The following MINK1 variants were observed in gnomAD, a reference collection of about 807,000 sequenced individuals.
The protein encoded by MINK1 is misshapen-like kinase 1.
Under a neutral mutation model 178.4 loss-of-function variants are expected in MINK1, and 46 were observed. That is an observed-to-expected ratio of 0.26 (90% CI 0.20 to 0.33). The LOEUF (loss-of-function observed/expected upper bound fraction) is 0.33. MINK1 is among the 10% of genes least tolerant of loss of function. MINK1 has a pLI of 1.00. For missense variants in MINK1, 1,366 were observed against 1,814.9 expected (o/e 0.75, Z 4.49); for synonymous variants, 797 against 709.7 (o/e 1.12, Z -1.96).
Position 4,881,212 on chromosome 17 carries a change from A to C in MINK1, c.261A>C (p.Gly87=), listed in dbSNP as rs541480536. Residue 87 remains glycine, a synonymous_variant, in exon 4 of 32, where the codon GGA becomes GGC. Coordinates refer to ENST00000355280, the MANE Select transcript of MINK1 (RefSeq NM_153827.5). ...SHHRNIATYY[G]AFIKKSPPGN... ...ACCGCAACATCGCCACCTACTACGG[A>C]GCCTTCATCAAGAAGAGCCCCCCGG... 1.3e-6 allele frequency: 2 copies of C among 1,537,184 alleles called. No homozygotes were observed. The highest frequency in any genetic ancestry group is 2.7e-5 in the African/African-American group (2 of 73,136).
chr17:4,854,462 C>A (rs1567569479), intron 1 of MINK1, among the ~76,000 whole-genome samples: 2 of 152,238 alleles, frequency 1.3e-5, no homozygotes, highest in Admixed American at 6.5e-5. Context: ...TTGCTCCAGG[C>A]AGGGCCCCTC....
Position 4,894,588 on chromosome 17 carries a change from G to C in MINK1, c.2872G>C (p.Gly958Arg). The C allele has an allele frequency of 6.2e-7, 1 of 1,609,556 alleles. No individual in the cohort carries two copies. Among genetic ancestry groups the C allele is most frequent in the Non-Finnish European group, 8.5e-7 (1 of 1,177,886 alleles). ...KSSFTMFVDL[G>R]IYQPGGSGDS... Reference sequence around the variant, plus strand: ...CTCGTTCACGATGTTTGTGGATCTAGGGATCTACCAGCCTGGAGGCAGTGG... The same window carrying C: ...CTCGTTCACGATGTTTGTGGATCTACGGATCTACCAGCCTGGAGGCAGTGG... The change falls in exon 24 of 32, where the codon GGG (glycine) becomes CGG (arginine). Residue 958 changes from glycine (G) to arginine (R), a missense_variant. By Grantham distance (125) the Gly-to-Arg change is moderately radical. This residue lies in a region of MINK1 where 709 missense variants were observed against 692.3 expected (regional missense o/e 1.02). Transcript: ENST00000355280. This position sits in a 1 kb window ranked among gnomAD's most constrained non-coding sequence, Gnocchi z 4.1.
Position 4,894,773 on chromosome 17 carries a change from G to C in MINK1, c.2917+140G>C. 1.4e-6 allele frequency: 1 copy of C among 707,640 alleles called. No homozygotes were observed. The highest frequency in any genetic ancestry group is 2.4e-6 in the Non-Finnish European group (1 of 415,984). The allele number at this position is 707,640 out of a possible 1,614,324, so 43.8% of individuals were successfully genotyped here. A position where few individuals can be genotyped will look rare whatever the true frequency, so the allele number is the denominator to read the frequency against. On this transcript the variant is annotated intron_variant, in intron 24 of 31. Transcript: ENST00000355280. This position sits in a 1 kb window ranked among gnomAD's most constrained non-coding sequence, Gnocchi z 4.1. ...GGGCCCTAGCACCTGCCTGGGCACA[G>C]AGGCAAGGAAGAGCCTCTGAGACCC...
Position 4,891,133 on chromosome 17 carries a change from C to CT in MINK1, c.1740+10dup. The CT allele has an allele frequency of 1.3e-6, 2 of 1,502,882 alleles. No individual in the cohort carries two copies. Among genetic ancestry groups the CT allele is most frequent in the East Asian group, 2.5e-5 (1 of 40,682 alleles). The allele number at this position is 1,502,882 out of a possible 1,614,324, so 93.1% of individuals were successfully genotyped here. On this transcript the variant is annotated intron_variant, in intron 15 of 31. Coordinates refer to ENST00000355280, the MANE Select transcript of MINK1 (RefSeq NM_153827.5). ...AGGAGGGACCGCACAAGGTGAGTCT[C>CT]TCCCCACCCCTGTCTTAATGAAGAC...
chr17:4,863,132 T>C (rs1017924404), intron 1 of MINK1, among the ~76,000 whole-genome samples: 2 of 152,222 alleles, frequency 1.3e-5, no homozygotes, highest in Admixed American at 1.3e-4. Flanking sequence ...GGCACCTGAA[T>C]GGCAGCCCAG....
intron 31 of MINK1, 126 bp from the exon 32 acceptor site, chr17:4,897,078 T>G (rs534949258): frequency 1.1e-6 from 1 of 902,008 alleles, no homozygotes; most frequent in Admixed American, 2.3e-5. Context: ...GCACTGTGAG[T>G]CTCCTCCTGC....
At chr17:4,869,797 T>G (rs1291865112) in intron 1 of MINK1, among the ~76,000 whole-genome samples, 1 of 143,260 alleles carries the variant, frequency 7.0e-6, no homozygotes, top group Non-Finnish European at 1.5e-5. Context: ...TTTATTCATT[T>G]TTATTTTATT....
Position 4,887,498 on chromosome 17 carries a change from C to G in MINK1, c.1020-82C>G, listed in dbSNP as rs1968326148. 5 of 1,293,052 alleles carry G rather than the reference C, an allele frequency of 3.9e-6. No homozygotes were observed. The highest frequency in any genetic ancestry group is 5.2e-6 in the Non-Finnish European group (5 of 959,434). 80.1% of individuals were successfully genotyped at this position (1,293,052 alleles called of 1,614,324 possible). ...AGAGGCTTTGATCCAGTTAAAGCAC[C>G]CACTCAGGCGGGCCCACGGGGTTGA... On this transcript the variant is annotated intron_variant, in intron 11 of 31. Transcript: ENST00000355280. The surrounding 1 kb of genome is among the most constrained non-coding windows in gnomAD (Gnocchi z 7.6).
chr17:4,855,947 C>T (rs1913047167), intron 1 of MINK1, among the ~76,000 whole-genome samples: 1 of 150,766 alleles, frequency 6.6e-6, no homozygotes, highest in Non-Finnish European at 1.5e-5. Context: ...GCACTCCAGC[C>T]TGGGTGACAA....
chr17:4,848,011 C>A (rs1911298365), intron 1 of MINK1, among the ~76,000 whole-genome samples: 1 of 152,002 alleles, frequency 6.6e-6, no homozygotes, highest in Non-Finnish European at 1.5e-5. Context: ...GAGACCTCAT[C>A]TCTGTTTAAA....
chr17:4,863,836 C>T (rs1597448057), intron 1 of MINK1, among the ~76,000 whole-genome samples: 5 of 152,176 alleles, frequency 3.3e-5, no homozygotes, highest in Admixed American at 3.3e-4. Context: ...GTCACCCAGG[C>T]TGGAGTGCGG....
Position 4,885,097 on chromosome 17 carries a change from C to T in MINK1, c.508+95C>T. The T allele has an allele frequency of 8.7e-7, 1 of 1,154,464 alleles. No individual in the cohort carries two copies. Among genetic ancestry groups the T allele is most frequent in the South Asian group, 1.3e-5 (1 of 74,224 alleles). The allele number at this position is 1,154,464 out of a possible 1,614,324, so 71.5% of individuals were successfully genotyped here. On this transcript the variant is annotated intron_variant, in intron 6 of 31. Coordinates refer to ENST00000355280, the MANE Select transcript of MINK1 (RefSeq NM_153827.5). The surrounding 1 kb of genome is among the most constrained non-coding windows in gnomAD (Gnocchi z 5.0). ...TCTCTCTGGTGGCTCAGGCCCAACT[C>T]CCTTCCTACTGGGGAGGCTCACTCC...
At chr17:4,839,156 G>A (rs1909784573) in intron 1 of MINK1, among the ~76,000 whole-genome samples, 1 of 152,108 alleles carries the variant, frequency 6.6e-6, no homozygotes, top group Non-Finnish European at 1.5e-5. Context: ...TGTTAGCCAG[G>A]ATGGTCTTGA....
chr17:4,897,395 T>C lies in MINK1; in HGVS notation c.*108T>C, dbSNP rs1969662518. 1.0e-6 allele frequency: 1 copy of C among 987,256 alleles called. No individual in the cohort carries two copies. The highest frequency in any genetic ancestry group is 2.5e-4 in the Middle Eastern group (1 of 3,930). 61.2% of individuals were successfully genotyped at this position (987,256 alleles called of 1,614,324 possible). On this transcript the variant is annotated 3_prime_UTR_variant, in exon 32 of 32. Coordinates refer to ENST00000355280, the MANE Select transcript of MINK1 (RefSeq NM_153827.5). ...TCCCTGGGCTTTTGCTTTTACTGGT[T>C]TGATTTCACTGGAGCCTGCTGGGAA... is the stretch of plus-strand genomic sequence containing the variant.
chr17:4,863,216 G>C (rs1311416856), intron 1 of MINK1, among the ~76,000 whole-genome samples: 2 of 152,144 alleles, frequency 1.3e-5, no homozygotes. Context: ...AGAGTCAGTT[G>C]GTCACTCTCC....
chr17:4,894,251 C>T lies in MINK1; in HGVS notation c.2748C>T (p.Ser916=), dbSNP rs1395843751. 8 of 1,609,890 alleles carry T rather than the reference C, an allele frequency of 5.0e-6. No homozygotes were observed. Among genetic ancestry groups the T allele is most frequent in the Non-Finnish European group, 6.8e-6 (8 of 1,178,708 alleles). The part of the protein sequence containing the change: ...YTNLPDVVQP[S]HSPTENSKGQ... ...ACCTGCCTGACGTGGTCCAGCCCAG[C>T]CACTCACCCACCGAGAACAGCAAAG... The change falls in exon 23 of 32, where the codon AGC becomes AGT. Residue 916 remains serine (S), a synonymous_variant. Coordinates refer to ENST00000355280, the MANE Select transcript of MINK1 (RefSeq NM_153827.5). The surrounding 1 kb of genome is among the most constrained non-coding windows in gnomAD (Gnocchi z 4.1).
intron 1 of MINK1, among the ~76,000 whole-genome samples, chr17:4,878,090 G>A (rs113258099): frequency 7.2e-5 from 11 of 152,076 alleles, no homozygotes; most frequent in Admixed American, 6.6e-5. Context: ...GATTACAGGC[G>A]TGAGCCACCG....
At position 4,897,195 on chromosome 17, in the gene MINK1, C is replaced by T. The variant is rs753590730; in HGVS notation, c.3916-9C>T. Reference sequence around the variant, plus strand: ...AGCCCTTGGTGACTTCTTCTCCTGCCCCACCCAGGTGTTTTTTGCCTCAGT... The same window carrying T: ...AGCCCTTGGTGACTTCTTCTCCTGCTCCACCCAGGTGTTTTTTGCCTCAGT... On this transcript the variant is annotated splice_polypyrimidine_tract_variant and intron_variant, in intron 31 of 31. Transcript: ENST00000355280. 11 of 1,612,536 alleles carry T rather than the reference C, an allele frequency of 6.8e-6. No homozygotes were observed. The highest frequency in any genetic ancestry group is 1.3e-5 in the African/African-American group (1 of 74,872).
At position 4,886,305 on chromosome 17, in the gene MINK1, C is replaced by CT; in HGVS notation, c.773+108dup. ...CTTGGATCTCACCAGAGAAGAGATTCTGGGGGGCAGAGGGCGGTGACTGGT... is the reference window on the plus strand; with the variant it reads ...CTTGGATCTCACCAGAGAAGAGATTCTTGGGGGGCAGAGGGCGGTGACTGGT... On this transcript the variant is annotated intron_variant, in intron 9 of 31. Coordinates refer to ENST00000355280, the MANE Select transcript of MINK1 (RefSeq NM_153827.5). This position sits in a 1 kb window ranked among gnomAD's most constrained non-coding sequence, Gnocchi z 6.1. 1 of 1,524,138 alleles carries CT rather than the reference C, an allele frequency of 6.6e-7. No individual in the cohort carries two copies. Among genetic ancestry groups the CT allele is most frequent in the Non-Finnish European group, 9.1e-7 (1 of 1,100,146 alleles). The allele number at this position is 1,524,138 out of a possible 1,614,324, so 94.4% of individuals were successfully genotyped here.
Sources: allele counts gnomAD v4.1 joint callset (sites outside exome capture counted in the v4.1 genomes callset), GRCh38; gene constraint gnomAD v4.1.1; regional missense constraint gnomAD v4.1.1; non-coding constraint Gnocchi (gnomAD v3.1); transcripts MANE v1.5; gene names NCBI Gene and HGNC (gene_info 2026-07-23, HGNC 2026-07-21).